Variants in QTMAN observed in about 807,000 individuals in gnomAD.
QTMAN encodes the protein tRNA-queuosine alpha-mannosyltransferase.
the QTMAN span, among the ~76,000 whole-genome samples, chr2:144,261,147 G>A: frequency 6.6e-6 from 1 of 152,138 alleles, no homozygotes; most frequent in Admixed American, 6.5e-5. Context: ...GCATAAAGGG[G>A]AAAGTCTAAT....
chr2:144,048,333 T>C, the QTMAN span, among the ~76,000 whole-genome samples: 1 of 152,170 alleles, frequency 6.6e-6, no homozygotes, highest in African/African-American at 2.4e-5. Flanking sequence ...ATGCCAAATG[T>C]AGAAAACAGG....
At chr2:144,322,935 A>G in the QTMAN span, among the ~76,000 whole-genome samples, 3 of 152,322 alleles carry the variant, frequency 2.0e-5, no homozygotes, top group East Asian at 5.8e-4. Flanking sequence ...TCATCTCATC[A>G]GGAAAATCTT....
the QTMAN span, among the ~76,000 whole-genome samples, chr2:144,222,625 T>C: frequency 6.6e-6 from 1 of 151,320 alleles, no homozygotes; most frequent in Non-Finnish European, 1.5e-5. Flanking sequence ...GCTAACACGG[T>C]GAAATCCCGT....
the QTMAN span, among the ~76,000 whole-genome samples, chr2:144,312,339 C>T: frequency 6.6e-6 from 1 of 152,032 alleles, no homozygotes; most frequent in Non-Finnish European, 1.5e-5. Context: ...CTGGGAAATA[C>T]ACTCTTAGGC....
the QTMAN span, among the ~76,000 whole-genome samples, chr2:144,174,921 TA>T: frequency 6.6e-6 from 1 of 152,072 alleles, no homozygotes; most frequent in African/African-American, 2.4e-5. Flanking sequence ...ACCACAGCAG[TA>T]AAACCAAAAA....
the QTMAN span, among the ~76,000 whole-genome samples, chr2:144,158,946 T>C: frequency 2.0e-5 from 3 of 152,028 alleles, no homozygotes; most frequent in Non-Finnish European, 4.4e-5. Context: ...ATTACATTAA[T>C]ATAGGGTGGG....
chr2:144,056,489 CTTGT>C, the QTMAN span, among the ~76,000 whole-genome samples: 1 of 152,206 alleles, frequency 6.6e-6, no homozygotes, highest in African/African-American at 2.4e-5. Flanking sequence ...ACACACTGTA[CTTGT>C]TTGTCATCTG....
At chr2:144,052,995 T>C in the QTMAN span, among the ~76,000 whole-genome samples, 1 of 152,198 alleles carries the variant, frequency 6.6e-6, no homozygotes, top group Non-Finnish European at 1.5e-5. Flanking sequence ...GAGGTGATCC[T>C]GGTCATGCAC....
the QTMAN span, among the ~76,000 whole-genome samples, chr2:144,016,521 G>A: frequency 6.6e-6 from 1 of 152,068 alleles, no homozygotes; most frequent in Non-Finnish European, 1.5e-5. Context: ...AATTTACCTT[G>A]TTCACAAGTG....
the QTMAN span, among the ~76,000 whole-genome samples, chr2:144,182,850 ATTT>A: frequency 3.3e-5 from 2 of 61,138 alleles, no homozygotes; most frequent in Non-Finnish European, 5.9e-5. Flanking sequence ...TTATATATAT[ATTT>A]TATATATAAT....
chr2:144,027,997 A>G, the QTMAN span, among the ~76,000 whole-genome samples: 1 of 152,110 alleles, frequency 6.6e-6, no homozygotes, highest in Non-Finnish European at 1.5e-5. Context: ...AACTCCTTCG[A>G]CCACTTCTAA....
At chr2:143,942,714 G>A in the QTMAN span, 2 of 167,106 alleles carry the variant, frequency 1.2e-5, no homozygotes, top group African/African-American at 4.8e-5. Context: ...AGTTGAGTCT[G>A]ACTTTCTCCA....
chr2:144,128,077 C>A, the QTMAN span: 28 of 151,898 alleles, frequency 1.8e-4, no homozygotes, highest in Admixed American at 1.8e-3. Context: ...GCTCTGAAGA[C>A]AAACCTGGAG....
At chr2:144,283,174 C>G in the QTMAN span, among the ~76,000 whole-genome samples, 5 of 152,292 alleles carry the variant, frequency 3.3e-5, no homozygotes, top group East Asian at 9.7e-4. Context: ...CAATTTGTAG[C>G]TAAGTTGGAC....
At chr2:144,238,868 A>G in the QTMAN span, among the ~76,000 whole-genome samples, 14 of 152,172 alleles carry the variant, frequency 9.2e-5, no homozygotes, top group African/African-American at 3.1e-4. Context: ...GCAAGAACCA[A>G]TTACTTATTC....
the QTMAN span, among the ~76,000 whole-genome samples, chr2:144,036,345 T>C: frequency 6.6e-6 from 1 of 152,196 alleles, no homozygotes; most frequent in African/African-American, 2.4e-5. Context: ...AGATGCCAGA[T>C]AATTTGTTTT....
At chr2:143,974,654 C>A in the QTMAN span, among the ~76,000 whole-genome samples, 1 of 152,030 alleles carries the variant, frequency 6.6e-6, no homozygotes, top group Admixed American at 6.5e-5. Flanking sequence ...CATAGGTATA[C>A]CGAAAGTTAA....
At chr2:144,142,551 G>A in the QTMAN span, among the ~76,000 whole-genome samples, 1 of 151,518 alleles carries the variant, frequency 6.6e-6, no homozygotes, top group African/African-American at 2.4e-5. Flanking sequence ...CGATACCTTC[G>A]GCACTATTTG....
the QTMAN span, among the ~76,000 whole-genome samples, chr2:144,220,719 G>C: frequency 6.6e-6 from 1 of 152,148 alleles, no homozygotes; most frequent in African/African-American, 2.4e-5. Context: ...GGGATCATTA[G>C]TCTGTCTACT....
Sources: gnomAD v4.1 joint callset for allele counts (sites outside exome capture counted in the v4.1 genomes callset) on GRCh38, gnomAD v4.1.1 for gene constraint, MANE v1.5 for transcripts, NCBI Gene and HGNC (gene_info 2026-07-23, HGNC 2026-07-21) for gene names.